Variants in PRKN observed in about 807,000 individuals in gnomAD.
PRKN encodes the protein E3 ubiquitin-protein ligase parkin.
A neutral mutation model predicts 59.5 loss-of-function variants in PRKN; 56 were observed. That is an observed-to-expected ratio of 0.94 (90% CI 0.76 to 1.18). PRKN has a LOEUF of 1.18. Ranked by LOEUF, PRKN falls within the 50% of genes most tolerant of loss-of-function variation. The pLI is 0.00. For missense variants in PRKN, 657 were observed against 596.4 expected (o/e 1.10, Z -1.06); for synonymous variants, 250 against 222.1 (o/e 1.13, Z -1.12).
intron 6 of PRKN, among the ~76,000 whole-genome samples, chr6:161,833,730 T>C (rs1012846487): frequency 1.3e-5 from 2 of 152,072 alleles, no homozygotes. Context: ...TATGGATAAG[T>C]AAGTTGTTGT....
chr6:161,370,986 G>C (rs1038002398), intron 10 of PRKN, among the ~76,000 whole-genome samples: 1 of 152,194 alleles, frequency 6.6e-6, no homozygotes, highest in Non-Finnish European at 1.5e-5. Flanking sequence ...ACTGCTGCGT[G>C]TGAGCAGCCC....
intron 4 of PRKN, among the ~76,000 whole-genome samples, chr6:162,140,919 G>C (rs957478101): frequency 3.3e-5 from 5 of 152,126 alleles, no homozygotes; most frequent in African/African-American, 1.2e-4. Flanking sequence ...ACAACATCAG[G>C]AGATCGAGAC....
chr6:161,799,272 G>A (rs995910482), intron 6 of PRKN, among the ~76,000 whole-genome samples: 1 of 152,178 alleles, frequency 6.6e-6, no homozygotes, highest in Admixed American at 6.5e-5. Flanking sequence ...GCTGGTGTTT[G>A]GTCAATGTTT....
chr6:161,844,776 C>T (rs1793131057), intron 6 of PRKN, among the ~76,000 whole-genome samples: 1 of 152,192 alleles, frequency 6.6e-6, no homozygotes, highest in South Asian at 2.1e-4. Context: ...CCCTCCACCC[C>T]CACCCCGGAA....
chr6:162,686,777 C>T (rs954824607), intron 1 of PRKN, among the ~76,000 whole-genome samples: 3 of 152,118 alleles, frequency 2.0e-5, no homozygotes, highest in African/African-American at 7.2e-5. Flanking sequence ...TCTCAGAATA[C>T]GCAGAGCATG....
rs1241849120 is a variant in PRKN at position 162,686,250 on chromosome 6, A to G, written c.7+41412T>C. On this transcript the variant is annotated intron_variant, in intron 1 of 11. Transcript: ENST00000366898. Reference sequence around the variant, plus strand: ...CACAGCTGAAAACTTAAAGGGTCAGATTCTTCCAGCTGACCCTATGGTGCC... The same window carrying G: ...CACAGCTGAAAACTTAAAGGGTCAGGTTCTTCCAGCTGACCCTATGGTGCC... 3.3e-5 allele frequency among the ~76,000 whole-genome samples: 5 copies of G among 152,200 alleles called. 1 individual carries two copies. The highest frequency in any genetic ancestry group is 3.3e-4 in the Admixed American group (5 of 15,276).
chr6:161,412,194 AC>A (rs1787599527), intron 9 of PRKN, among the ~76,000 whole-genome samples: 2 of 100,780 alleles, frequency 2.0e-5, no homozygotes, highest in South Asian at 3.6e-4. Context: ...TCATTCCTCC[AC>A]TCACTCTTTC....
chr6:162,528,780 AGAGT>A (rs1562359196), intron 1 of PRKN, among the ~76,000 whole-genome samples: 1 of 152,000 alleles, frequency 6.6e-6, no homozygotes, highest in African/African-American at 2.4e-5. Context: ...CCTGGATGAC[AGAGT>A]GAGATCCTGT....
intron 4 of PRKN, among the ~76,000 whole-genome samples, chr6:162,101,439 C>T (rs980614444): frequency 1.3e-4 from 20 of 151,582 alleles, no homozygotes; most frequent in African/African-American, 3.2e-4. Context: ...GAGGCCGAGT[C>T]GGGCGGAACA....
chr6:162,589,292 T>C (rs958447483), intron 1 of PRKN, among the ~76,000 whole-genome samples: 4 of 152,156 alleles, frequency 2.6e-5, no homozygotes, highest in Non-Finnish European at 4.4e-5. Flanking sequence ...CTTTGTTTCA[T>C]TGTAAATATC....
At chr6:162,574,764 G>GTTTTTTT (rs371613068) in intron 1 of PRKN, among the ~76,000 whole-genome samples, 1,887 of 86,098 alleles carry the variant, frequency 0.022, 45 homozygotes, top group African/African-American at 0.077. Context: ...ATGATACTAA[G>GTTTTTTT]TTGTTTTTTT....
intron 4 of PRKN, among the ~76,000 whole-genome samples, chr6:162,170,900 TTAA>T (rs1443241666): frequency 6.6e-6 from 1 of 150,764 alleles, no homozygotes; most frequent in Non-Finnish European, 1.5e-5. Flanking sequence ...TTCAATAAAT[TTAA>T]TAAGAAAGGT....
intron 4 of PRKN, among the ~76,000 whole-genome samples, chr6:162,065,661 G>C (rs1337781895): frequency 6.6e-6 from 1 of 151,400 alleles, no homozygotes; most frequent in Non-Finnish European, 1.5e-5. Flanking sequence ...ATGTTGGTTT[G>C]CTTCCCCCAT....
intron 1 of PRKN, among the ~76,000 whole-genome samples, chr6:162,591,031 A>G (rs1269313367): frequency 6.6e-6 from 1 of 152,092 alleles, no homozygotes; most frequent in Non-Finnish European, 1.5e-5. Flanking sequence ...CCTCTGAAGG[A>G]ACAGGAGCCA....
At chr6:162,141,447 T>G (rs932370996) in intron 4 of PRKN, among the ~76,000 whole-genome samples, 11 of 152,314 alleles carry the variant, frequency 7.2e-5, no homozygotes, top group Non-Finnish European at 1.3e-4. Flanking sequence ...CAATCTACAG[T>G]TTAATGTATT....
At chr6:161,651,442 C>T (rs951472781) in intron 7 of PRKN, among the ~76,000 whole-genome samples, 1 of 152,160 alleles carries the variant, frequency 6.6e-6, no homozygotes, top group African/African-American at 2.4e-5. Context: ...CTGCATTTTA[C>T]CAAGAAGACC....
chr6:161,439,240 G>A (rs932548109), intron 9 of PRKN, among the ~76,000 whole-genome samples: 7 of 152,280 alleles, frequency 4.6e-5, no homozygotes, highest in South Asian at 4.1e-4. Flanking sequence ...CCGGGCTCAC[G>A]GCAGATGCGG....
At chr6:161,916,346 A>G (rs915103406) in intron 6 of PRKN, among the ~76,000 whole-genome samples, 6 of 152,242 alleles carry the variant, frequency 3.9e-5, no homozygotes, top group African/African-American at 1.4e-4. Context: ...AATTTTTCTA[A>G]TTACAGTATC....
At chr6:162,436,780 T>G (rs1166822057) in intron 2 of PRKN, among the ~76,000 whole-genome samples, 1 of 149,850 alleles carries the variant, frequency 6.7e-6, no homozygotes, top group Admixed American at 6.6e-5. Context: ...TATAATGTGC[T>G]AAAAATTCTG....
Sources: allele counts gnomAD v4.1 joint callset (sites outside exome capture counted in the v4.1 genomes callset), GRCh38; gene constraint gnomAD v4.1.1; transcripts MANE v1.5; gene names NCBI Gene and HGNC (gene_info 2026-07-23, HGNC 2026-07-21).